The following CLASP1 variants were observed in gnomAD, a reference collection of about 807,000 sequenced individuals.
The protein encoded by CLASP1 is cytoplasmic linker associated protein 1.
CLASP1 carries 38 observed loss-of-function variants against 192.3 expected under a neutral mutation model. The ratio of observed to expected loss-of-function variants is 0.20; its 90% CI spans 0.15 to 0.26. The LOEUF (loss-of-function observed/expected upper bound fraction) is 0.26, where lower values mean the gene tolerates loss of function less well. Ranked by LOEUF, CLASP1 falls within the 10% of genes least tolerant of loss-of-function variation. The pLI is 1.00. For missense variants in CLASP1, 1,433 were observed against 1,932.5 expected, an observed-to-expected ratio of 0.74 and a Z score of 4.85; for synonymous variants, 691 against 712.8, an observed-to-expected ratio of 0.97 and a Z score of 0.49.
intron 28 of CLASP1, among the ~76,000 whole-genome samples, chr2:121,399,815 C>G (rs1024637386): frequency 2.6e-5 from 4 of 152,176 alleles, no homozygotes; most frequent in African/African-American, 9.7e-5. Context: ...TGAAATAGAT[C>G]TGGTCATTGG....
At chr2:121,436,107 C>T (rs1312345336) in intron 19 of CLASP1, among the ~76,000 whole-genome samples, 1 of 151,840 alleles carries the variant, frequency 6.6e-6, no homozygotes, top group African/African-American at 2.4e-5. Flanking sequence ...TCTCAGCTTA[C>T]TGCAATCTCT....
chr2:121,626,128 C>T (rs559721708), intron 1 of CLASP1, among the ~76,000 whole-genome samples: 88 of 151,292 alleles, frequency 5.8e-4, no homozygotes, highest in African/African-American at 1.9e-3. Flanking sequence ...AAGAGGACAT[C>T]TGATATGTCA....
chr2:121,379,608 A>T (rs1199258345), intron 33 of CLASP1, among the ~76,000 whole-genome samples: 1 of 152,234 alleles, frequency 6.6e-6, no homozygotes, highest in East Asian at 1.9e-4. Context: ...ACTTTTAATC[A>T]CAACAACCAA....
chr2:121,458,784 T>C, intron 13 of CLASP1, 56 bp downstream of exon 13: 8 of 1,334,188 alleles, frequency 6.0e-6, no homozygotes, highest in Non-Finnish European at 7.9e-6. Context: ...CTAATATTTA[T>C]CAACCATCAG....
At chr2:121,474,223 TACTAGATG>T (rs1295490763) in intron 8 of CLASP1, among the ~76,000 whole-genome samples, 5 of 152,146 alleles carry the variant, frequency 3.3e-5, no homozygotes, top group African/African-American at 1.2e-4. Context: ...TATGTTGCTG[TACTAGATG>T]ACACACACAA....
chr2:121,447,467 G>T (rs535520320), exon 19 of CLASP1: 2 of 1,555,634 alleles, frequency 1.3e-6, no homozygotes, highest in Admixed American at 2.0e-5. Context: ...ATCGCTGGAG[G>T]GACCCAGTCG....
chr2:121,495,267 G>A (rs1422328326), intron 8 of CLASP1, among the ~76,000 whole-genome samples: 2 of 152,028 alleles, frequency 1.3e-5, no homozygotes, highest in Non-Finnish European at 2.9e-5. Context: ...AGATTGCAGT[G>A]AGCCGAGATG....
rs111741835 is a variant in CLASP1, at chr2:121,530,879, T to C, written c.196-554A>G. 585 of 692,064 alleles carry C rather than the reference T, an allele frequency of 8.5e-4. 3 individuals carry two copies. The highest frequency in any genetic ancestry group is 7.7e-3 in the African/African-American group (439 of 57,076). The allele number at this position is 692,064 out of a possible 1,614,324, so 42.9% of individuals were successfully genotyped here. A position where few individuals can be genotyped will look rare whatever the true frequency, so the allele number is the denominator to read the frequency against. On this transcript the variant is annotated intron_variant, in intron 2 of 39. Coordinates refer to ENST00000263710, the Ensembl canonical transcript of CLASP1. ...CTTGCAGCCCAGGGACTTTCTATTA[T>C]AACCATCCTTTTCTTGGGGTTGCGC...
chr2:121,628,990 T>C (rs943372745), intron 1 of CLASP1, among the ~76,000 whole-genome samples: 2 of 151,982 alleles, frequency 1.3e-5, no homozygotes, highest in Admixed American at 6.6e-5. Context: ...GTTTTGGTCA[T>C]CCTTTTTTAA....
At chr2:121,566,587 T>C (rs2059523922) in intron 2 of CLASP1, among the ~76,000 whole-genome samples, 2 of 152,366 alleles carry the variant, frequency 1.3e-5, no homozygotes, top group Admixed American at 6.5e-5. Flanking sequence ...ACAGTAAGCA[T>C]TGTAGACAAA....
At chr2:121,555,988 C>CTTTTTTTTTTTTTTTTTTTTTTTT (rs34423741) in intron 2 of CLASP1, among the ~76,000 whole-genome samples, 2 of 42,394 alleles carry the variant, frequency 4.7e-5, no homozygotes, top group African/African-American at 1.1e-4. Flanking sequence ...CTACCCACCG[C>CTTTTTTTTTTTTTTTTTTTTTTTT]TTTTTTTTTT....
intron 2 of CLASP1, among the ~76,000 whole-genome samples, chr2:121,593,598 A>G (rs1036685335): frequency 1.3e-5 from 2 of 150,370 alleles, no homozygotes; most frequent in Non-Finnish European, 3.0e-5. Flanking sequence ...CAGCCTGGGC[A>G]ACAAGAGAAA....
At chr2:121,407,202 G>A (rs374724446) in intron 25 of CLASP1, among the ~76,000 whole-genome samples, 16 of 146,698 alleles carry the variant, frequency 1.1e-4, no homozygotes, top group African/African-American at 3.4e-4. Flanking sequence ...GCAACAGAGC[G>A]AGATTCCATC....
intron 1 of CLASP1, among the ~76,000 whole-genome samples, chr2:121,627,900 C>G (rs2068687754): frequency 6.6e-6 from 1 of 152,136 alleles, no homozygotes; most frequent in Non-Finnish European, 1.5e-5. Context: ...ATGACAAAGG[C>G]TACTGAAAAG....
In CLASP1 at chr2:121,530,478, A is replaced by C. The variant is rs1412326841; in HGVS notation, c.196-153T>G. ...TGGAGGACCAAAGAGATTAGCACGA[A>C]GAAGGATGATCTTCCACAAAAAGAG... On this transcript the variant is annotated intron_variant, in intron 2 of 39. Transcript: ENST00000263710. The C allele has an allele frequency of 6.9e-5, 42 of 607,008 alleles. No homozygotes were observed. In the Admixed American group the frequency reaches 1.2e-3, roughly 18 times the overall value. 37.6% of individuals were successfully genotyped at this position (607,008 alleles called of 1,614,324 possible).
rs2094733302 is a variant in CLASP1 at position 121,530,230 on chromosome 2, C to A, written c.274+17G>T. On this transcript the variant is annotated intron_variant, in intron 3 of 39. Transcript: ENST00000263710. ...GTCTGAAGGGGCCGGGTCCGCTCCA[C>A]AAGTGCCGCAGCTCACCTGTGCCGA... 4 of 1,545,334 alleles carry A rather than the reference C, an allele frequency of 2.6e-6. No homozygotes were observed. Among genetic ancestry groups the A allele is most frequent in the Non-Finnish European group, 3.5e-6 (4 of 1,142,730 alleles).
chr2:121,623,132 C>G (rs2106131584), intron 1 of CLASP1, among the ~76,000 whole-genome samples: 1 of 152,172 alleles, frequency 6.6e-6, no homozygotes. Context: ...CTTAGGACAG[C>G]ATTCTGTCTT....
intron 2 of CLASP1, among the ~76,000 whole-genome samples, chr2:121,582,785 C>CT (rs869194901): frequency 0.021 from 3,070 of 143,036 alleles, 94 homozygotes; most frequent in African/African-American, 0.071. Flanking sequence ...TTCTTTCTTC[C>CT]TTTTTTTTTT....
intron 5 of CLASP1, among the ~76,000 whole-genome samples, chr2:121,527,481 A>G (rs2094602374): frequency 6.6e-6 from 1 of 152,234 alleles, no homozygotes; most frequent in East Asian, 1.9e-4. Context: ...CATGGTTGCC[A>G]GGGGTCAGGG....
Sources: gnomAD v4.1 joint callset for allele counts (sites outside exome capture counted in the v4.1 genomes callset) on GRCh38, gnomAD v4.1.1 for gene constraint, MANE v1.5 for transcripts, NCBI Gene and HGNC (gene_info 2026-07-23, HGNC 2026-07-21) for gene names.